Variants in STARD9 observed in about 807,000 individuals in gnomAD.
The protein encoded by STARD9 is stAR-related lipid transfer protein 9.
STARD9 carries 346 observed loss-of-function variants against 399.8 expected under a neutral mutation model. The observed-to-expected ratio is 0.87, with a 90% CI of 0.79 to 0.95. STARD9 has a LOEUF of 0.95. STARD9 is among the 40% of genes least tolerant of loss of function. The probability of loss-of-function intolerance (pLI) is 0.00; values close to 1 mark genes in which losing one functional copy is unlikely to be tolerated. For missense variants in STARD9, 5,832 were observed against 5,667.5 expected (o/e 1.03, Z -0.93); for synonymous variants, 2,203 against 2,143.5 (o/e 1.03, Z -0.77).
At chr15:42,683,804 T>C (rs1318125983) in intron 22 of STARD9, among the ~76,000 whole-genome samples, 3 of 152,252 alleles carry the variant, frequency 2.0e-5, no homozygotes, top group African/African-American at 7.2e-5. Context: ...ATTTATCTTT[T>C]GGTTCCTCAT....
chr15:42,672,386 GC>G (rs1424831425), intron 16 of STARD9: 2 of 152,238 alleles, frequency 1.3e-5, no homozygotes, highest in Non-Finnish European at 2.9e-5. Flanking sequence ...GAACACATAT[GC>G]CAGCCAGCTC....
intron 15 of STARD9, among the ~76,000 whole-genome samples, chr15:42,668,775 G>A (rs1241397592): frequency 6.6e-6 from 1 of 151,978 alleles, no homozygotes; most frequent in Non-Finnish European, 1.5e-5. Context: ...TCCCAAGTAT[G>A]GATCATGTAA....
At chr15:42,619,349 C>A (rs564745596) in intron 3 of STARD9, among the ~76,000 whole-genome samples, 1 of 152,048 alleles carries the variant, frequency 6.6e-6, no homozygotes, top group South Asian at 2.1e-4. Flanking sequence ...TAGTATGTAA[C>A]CTTTTAAGAC....
At chr15:42,680,392 G>T (rs971708856) in intron 20 of STARD9, among the ~76,000 whole-genome samples, 2 of 152,102 alleles carry the variant, frequency 1.3e-5, no homozygotes, top group African/African-American at 4.8e-5. Flanking sequence ...TTGAGGTAAG[G>T]AGTTCGAGAC....
Position 42,718,453 on chromosome 15 carries a change from C to T in STARD9, c.13781C>T (p.Thr4594Ile). ...SISLVYLVCN[T>I]TLCALKQPRD... is the part of the protein sequence containing the mutation. Reference sequence around the variant, plus strand: ...CCTCCAGTGTACTTGGTGTGCAACACCACCCTGTGCGCACTGAAGCAGCCA... The same window carrying T: ...CCTCCAGTGTACTTGGTGTGCAACATCACCCTGTGCGCACTGAAGCAGCCA... Residue 4594 changes from threonine to isoleucine, a missense_variant, in exon 31 of 33, where the codon ACC becomes ATC. Physicochemically the swap from Thr to Ile is moderately conservative, Grantham distance 89. Coordinates refer to ENST00000290607, the MANE Select transcript of STARD9 (RefSeq NM_020759.3). The T allele has an allele frequency of 6.5e-7, 1 of 1,537,192 alleles. No homozygotes were observed. The highest frequency in any genetic ancestry group is 8.7e-7 in the Non-Finnish European group (1 of 1,146,846).
At position 42,688,100 on chromosome 15, in the gene STARD9, C is replaced by T. The variant is rs2060605850; in HGVS notation, c.6522C>T (p.Asp2174=). The part of the protein sequence containing the change: ...VREHTHPAGS[D]RPARDICDSL... ...AGCACACCCACCCAGCTGGATCGGA[C>T]AGACCTGCCAGGGATATTTGTGATT... is the stretch of plus-strand genomic sequence containing the variant. Residue 2174 remains aspartate (D), a synonymous_variant, in exon 23 of 33, where the codon GAC becomes GAT. Transcript: ENST00000290607. 6.5e-7 allele frequency: 1 copy of T among 1,537,230 alleles called. No individual in the cohort carries two copies. The highest frequency in any genetic ancestry group is 2.0e-5 in the Admixed American group (1 of 50,986).
chr15:42,678,735 C>T (rs2060362738), intron 20 of STARD9, among the ~76,000 whole-genome samples: 1 of 152,168 alleles, frequency 6.6e-6, no homozygotes, highest in Admixed American at 6.6e-5. Context: ...ATACTGGAGC[C>T]ATCAGAGATG....
intron 16 of STARD9, chr15:42,670,077 A>T (rs993902417): frequency 1.1e-4 from 17 of 151,920 alleles, no homozygotes; most frequent in African/African-American, 4.1e-4. Flanking sequence ...AATAAATAAA[A>T]ATAATGTTTT....
chr15:42,688,687 A>AT lies in STARD9; in HGVS notation c.7110dup (p.Asn2371Ter), dbSNP rs2060618753. 6.5e-7 allele frequency: 1 copy of AT among 1,537,600 alleles called. No individual in the cohort carries two copies. The highest frequency in any genetic ancestry group is 8.7e-7 in the Non-Finnish European group (1 of 1,147,040). On this transcript the variant is annotated frameshift_variant, in exon 23 of 33. Coordinates refer to ENST00000290607, the MANE Select transcript of STARD9 (RefSeq NM_020759.3). LOFTEE classifies it high-confidence loss of function. The stretch of plus-strand genomic sequence containing the variant: ...CTGGATCTCACAATGTTGAAAATTC[A>AT]TAACAGTCCCTTGGTAACTGGAGTA...
chr15:42,651,490 G>GC (rs1403020914), intron 8 of STARD9, among the ~76,000 whole-genome samples: 1 of 152,078 alleles, frequency 6.6e-6, no homozygotes, highest in African/African-American at 2.4e-5. Context: ...TTATAAGGTA[G>GC]CCCCTCAAAA....
intron 26 of STARD9, among the ~76,000 whole-genome samples, chr15:42,700,276 A>G (rs930805402): frequency 1.3e-5 from 2 of 152,176 alleles, no homozygotes; most frequent in African/African-American, 4.8e-5. Context: ...TACTGATTTC[A>G]TTTTCACTGG....
Position 42,695,829 on chromosome 15 carries a change from C to T in STARD9, c.13233C>T (p.Gly4411=). The T allele has an allele frequency of 6.5e-7, 1 of 1,537,286 alleles. No homozygotes were observed. Among genetic ancestry groups the T allele is most frequent in the Non-Finnish European group, 8.7e-7 (1 of 1,146,900 alleles). ...NGSLSSGMTS[G]YNSSPALSGQ... Reference sequence around the variant, plus strand: ...GCCTCTCGTCTGGCATGACCTCTGGCTATAATAGCAGCCCAGCCTTGTCAG... The same window carrying T: ...GCCTCTCGTCTGGCATGACCTCTGGTTATAATAGCAGCCCAGCCTTGTCAG... The change falls in exon 26 of 33, where the codon GGC becomes GGT. Residue 4411 remains glycine (G), a synonymous_variant. Transcript: ENST00000290607.
Position 42,687,316 on chromosome 15 carries a change from C to A in STARD9, c.5738C>A (p.Ser1913Tyr). ...ESGKSLLFRESEAREEEELDQ... is the reference protein window; with the variant it reads ...ESGKSLLFREYEAREEEELDQ... ...GGGAAGTCTCTCCTCTTTCGTGAAT[C>A]TGAGGCACGAGAGGAAGAAGAGCTG... Residue 1913 changes from serine to tyrosine, a missense_variant, in exon 23 of 33, where the codon TCT becomes TAT. Physicochemically the swap from Ser to Tyr is moderately radical, Grantham distance 144. Transcript: ENST00000290607. 6.5e-7 allele frequency: 1 copy of A among 1,536,788 alleles called. No individual in the cohort carries two copies. The highest frequency in any genetic ancestry group is 8.7e-7 in the Non-Finnish European group (1 of 1,146,928).
intron 3 of STARD9, among the ~76,000 whole-genome samples, chr15:42,625,519 G>A (rs528038593): frequency 6.6e-6 from 1 of 150,852 alleles, no homozygotes; most frequent in East Asian, 2.0e-4. Context: ...TAGTAGAGAT[G>A]GGGTTTCACC....
rs1410373411 is a variant in STARD9 at position 42,685,708 on chromosome 15, G to A, written c.4130G>A (p.Trp1377Ter). The A allele has an allele frequency of 2.0e-6, 3 of 1,537,260 alleles. No individual in the cohort carries two copies. Among genetic ancestry groups the A allele is most frequent in the African/African-American group, 2.7e-5 (2 of 73,046 alleles). The change falls in exon 23 of 33, where the codon TGG becomes TAG. Residue 1377 changes from tryptophan (W) to a stop codon, truncating the protein, a stop_gained. Coordinates refer to ENST00000290607, the MANE Select transcript of STARD9 (RefSeq NM_020759.3). LOFTEE classifies it high-confidence loss of function. The stretch of plus-strand genomic sequence containing the variant: ...TGTAAGGGGGAGAGGCCTGGATACT[G>A]GCCAAATACTGAGGAACTAAAGCCA... ...HSCKGERPGY[W>*]PNTEELKPSD...
rs1001973136 is a variant in STARD9, at chr15:42,582,606, C to CT, written c.48-731dup. Among the ~76,000 whole-genome samples, 114 of 151,706 alleles carry CT rather than the reference C, an allele frequency of 7.5e-4. 1 individual carries two copies. The highest frequency in any genetic ancestry group is 2.5e-3 in the African/African-American group (102 of 41,396). ...GGTCTCAGCAGAGAGGATTCCAATACTTTTTTTTTGTCAATATCCATGCCC... is the reference window on the plus strand; with the variant it reads ...GGTCTCAGCAGAGAGGATTCCAATACTTTTTTTTTTGTCAATATCCATGCCC... On this transcript the variant is annotated intron_variant, in intron 1 of 32. Coordinates refer to ENST00000290607, the MANE Select transcript of STARD9 (RefSeq NM_020759.3).
At chr15:42,650,511 C>T (rs559922806) in intron 7 of STARD9, among the ~76,000 whole-genome samples, 3 of 152,210 alleles carry the variant, frequency 2.0e-5, no homozygotes, top group Non-Finnish European at 2.9e-5. Flanking sequence ...CTCTGATCTC[C>T]TCATCATGTA....
intron 3 of STARD9, among the ~76,000 whole-genome samples, chr15:42,592,014 T>G (rs1035199591): frequency 6.6e-6 from 1 of 152,222 alleles, no homozygotes; most frequent in Non-Finnish European, 1.5e-5. Context: ...ACTCTAAATT[T>G]TATGTCATTT....
At chr15:42,613,124 A>G (rs1195851399) in intron 3 of STARD9, among the ~76,000 whole-genome samples, 2 of 151,898 alleles carry the variant, frequency 1.3e-5, no homozygotes, top group Non-Finnish European at 2.9e-5. Context: ...ATGTTTCTGT[A>G]TGCATTTATG....
Sources: gnomAD v4.1 joint callset for allele counts (sites outside exome capture counted in the v4.1 genomes callset) on GRCh38, gnomAD v4.1.1 for gene constraint, MANE v1.5 for transcripts, NCBI Gene and HGNC (gene_info 2026-07-23, HGNC 2026-07-21) for gene names.